Variants in LRP1B observed in about 807,000 individuals in gnomAD.
The protein encoded by LRP1B is low-density lipoprotein receptor-related protein 1B.
A neutral mutation model predicts 556.6 loss-of-function variants in LRP1B; 217 were observed. That is an observed-to-expected ratio of 0.39 (90% CI 0.35 to 0.44). The LOEUF (loss-of-function observed/expected upper bound fraction) is 0.44, where lower values mean the gene tolerates loss of function less well. LRP1B is among the 20% of genes least tolerant of loss of function. The pLI is 1.00. For synonymous variants in LRP1B, 2,047 were observed against 1,865.8 expected (o/e 1.10, Z -2.50); for missense variants, 5,053 against 5,620.8 (o/e 0.90, Z 3.23).
In LRP1B at chr2:141,638,854, G is replaced by T. The variant is rs1428803988; in HGVS notation, c.206-158321C>A. On this transcript the variant is annotated intron_variant, in intron 2 of 90. Transcript: ENST00000389484. Reference sequence around the variant, plus strand: ...TCCTGGATCAAAATTGAGACTGTAAGGTAGCCATATATATATATATATATA... The same window carrying T: ...TCCTGGATCAAAATTGAGACTGTAATGTAGCCATATATATATATATATATA... Among the ~76,000 whole-genome samples, 2 of 82,142 alleles carry T rather than the reference G, an allele frequency of 2.4e-5. 1 individual carries two copies. The highest frequency in any genetic ancestry group is 5.5e-5 in the Non-Finnish European group (2 of 36,380). The allele number at this position is 82,142 out of a possible 152,430, so 53.9% of individuals were successfully genotyped here.
chr2:141,964,588 ATCAAT>A (rs1280303108), intron 1 of LRP1B, among the ~76,000 whole-genome samples: 1 of 152,016 alleles, frequency 6.6e-6, no homozygotes, highest in Non-Finnish European at 1.5e-5. Flanking sequence ...TTATACAAAA[ATCAAT>A]TCAAGATGGA....
chr2:141,916,274 C>G (rs932821447), intron 1 of LRP1B, among the ~76,000 whole-genome samples: 33 of 152,126 alleles, frequency 2.2e-4, no homozygotes, highest in Admixed American at 2.0e-3. Flanking sequence ...TTTGCAGCAC[C>G]ATGGATGCAC....
At chr2:141,437,878 G>C (rs1210868304) in intron 3 of LRP1B, among the ~76,000 whole-genome samples, 1 of 151,902 alleles carries the variant, frequency 6.6e-6, no homozygotes, top group African/African-American at 2.4e-5. Flanking sequence ...CTTCTGCAAG[G>C]TTGCCTACTT....
intron 2 of LRP1B, among the ~76,000 whole-genome samples, chr2:141,702,641 G>T (rs1691982816): frequency 6.6e-6 from 1 of 151,740 alleles, no homozygotes; most frequent in Non-Finnish European, 1.5e-5. Flanking sequence ...GAAGGTTTTT[G>T]AACTGTTTTG....
At position 140,231,473 on chromosome 2, in the gene LRP1B, A is replaced by G. The variant is rs1019098209; in HGVS notation, c.*1713T>C. 2 of 151,836 alleles carry G rather than the reference A, an allele frequency of 1.3e-5. No homozygotes were observed. The highest frequency in any genetic ancestry group is 4.8e-5 in the African/African-American group (2 of 41,358). The allele number at this position is 151,836 out of a possible 1,614,324, so 9.4% of individuals were successfully genotyped here. A position where few individuals can be genotyped will look rare whatever the true frequency, so the allele number is the denominator to read the frequency against. The stretch of plus-strand genomic sequence containing the variant: ...TAAGTCAGTCAACAATTTTTTATAA[A>G]GTATTTAACACTTCATTGTAGAAAC... On this transcript the variant is annotated 3_prime_UTR_variant, in exon 91 of 91. Coordinates refer to ENST00000389484, the MANE Select transcript of LRP1B (RefSeq NM_018557.3).
At chr2:141,646,198 T>C (rs1689557602) in intron 2 of LRP1B, among the ~76,000 whole-genome samples, 2 of 152,182 alleles carry the variant, frequency 1.3e-5, no homozygotes, top group South Asian at 4.1e-4. Context: ...AGCTTTTATA[T>C]TCATTTTGTC....
chr2:140,854,684 C>T (rs927573797), intron 27 of LRP1B, among the ~76,000 whole-genome samples: 1 of 152,126 alleles, frequency 6.6e-6, no homozygotes, highest in Non-Finnish European at 1.5e-5. Flanking sequence ...TTTATTGAAA[C>T]ATAACCACGT....
Position 140,636,624 on chromosome 2 carries a change from C to A in LRP1B, c.6800-34985G>T, listed in dbSNP as rs566615817. 2.0e-5 allele frequency among the ~76,000 whole-genome samples: 3 copies of A among 152,206 alleles called. No individual in the cohort carries two copies. The South Asian group carries it at 6.2e-4, about 32-fold the overall frequency. On this transcript the variant is annotated intron_variant, in intron 41 of 90. Transcript: ENST00000389484. ...TGTACTTACATATTTTAAAAGCATACCACATCCTCCTTCATCATTTATAAT... is the reference window on the plus strand; with the variant it reads ...TGTACTTACATATTTTAAAAGCATAACACATCCTCCTTCATCATTTATAAT...
chr2:141,545,714 C>A (rs2105220935), intron 2 of LRP1B, among the ~76,000 whole-genome samples: 1 of 152,126 alleles, frequency 6.6e-6, no homozygotes, highest in African/African-American at 2.4e-5. Context: ...AGTGAAGAAC[C>A]TCTCCCAGTT....
At chr2:141,486,013 T>C (rs192099329) in intron 2 of LRP1B, among the ~76,000 whole-genome samples, 15 of 152,218 alleles carry the variant, frequency 9.9e-5, no homozygotes, top group Non-Finnish European at 1.8e-4. Context: ...AATTTCAAAA[T>C]TGTACCAAGA....
intron 1 of LRP1B, among the ~76,000 whole-genome samples, chr2:142,058,103 C>G (rs1485908428): frequency 6.6e-6 from 1 of 152,148 alleles, no homozygotes; most frequent in Non-Finnish European, 1.5e-5. Flanking sequence ...ACTACTACGT[C>G]CCACTGTTAT....
At chr2:140,240,450 G>A (rs369158924) in intron 87 of LRP1B, among the ~76,000 whole-genome samples, 9 of 150,562 alleles carry the variant, frequency 6.0e-5, no homozygotes, top group Non-Finnish European at 7.4e-5. Flanking sequence ...TAGGGTAATC[G>A]ATATTTTTAG....
At chr2:142,017,803 A>C (rs568075767) in intron 1 of LRP1B, among the ~76,000 whole-genome samples, 13 of 152,014 alleles carry the variant, frequency 8.6e-5, no homozygotes, top group Non-Finnish European at 1.3e-4. Context: ...GATTGCTTGA[A>C]CCCAGAAGGT....
At chr2:141,680,445 T>C (rs1182190182) in intron 2 of LRP1B, among the ~76,000 whole-genome samples, 1 of 152,140 alleles carries the variant, frequency 6.6e-6, no homozygotes, top group Non-Finnish European at 1.5e-5. Flanking sequence ...AAAGAAGTCC[T>C]TGGGAACATA....
intron 2 of LRP1B, among the ~76,000 whole-genome samples, chr2:141,579,724 C>CTTTTATTTTTTT (rs1686892682): frequency 9.9e-6 from 1 of 101,002 alleles, no homozygotes; most frequent in African/African-American, 4.4e-5. Context: ...TCAGGTTTCA[C>CTTTTATTTTTTT]TTTTTTTTTT....
intron 7 of LRP1B, among the ~76,000 whole-genome samples, chr2:141,123,554 G>T (rs1229806699): frequency 6.6e-6 from 1 of 152,006 alleles, no homozygotes; most frequent in Admixed American, 6.6e-5. Context: ...CTGTAAATAT[G>T]CTCTCTACTA....
intron 67 of LRP1B, among the ~76,000 whole-genome samples, chr2:140,383,293 C>CATGTGTGTGTGTGTGTGT (rs1553457406): frequency 6.2e-5 from 9 of 145,746 alleles, no homozygotes; most frequent in African/African-American, 2.3e-4. Flanking sequence ...CAGTGATGTG[C>CATGTGTGTGTGTGTGTGT]GTGTGTGTGT....
intron 41 of LRP1B, among the ~76,000 whole-genome samples, chr2:140,645,895 T>A (rs1684467026): frequency 6.6e-6 from 1 of 152,104 alleles, no homozygotes; most frequent in Non-Finnish European, 1.5e-5. Context: ...CATCAATCAT[T>A]TGTCCTAATT....
At chr2:141,937,410 A>T (rs1480488412) in intron 1 of LRP1B, among the ~76,000 whole-genome samples, 3 of 151,450 alleles carry the variant, frequency 2.0e-5, no homozygotes, top group East Asian at 1.9e-4. Flanking sequence ...TAATAAAATA[A>T]AAAATAAAAA....
Sources: allele counts gnomAD v4.1 joint callset (sites outside exome capture counted in the v4.1 genomes callset), GRCh38; gene constraint gnomAD v4.1.1; transcripts MANE v1.5; gene names NCBI Gene and HGNC (gene_info 2026-07-23, HGNC 2026-07-21).